Variants in RLBP1 observed in about 807,000 individuals in gnomAD.
RLBP1 encodes retinaldehyde-binding protein 1.
In RLBP1, 26 loss-of-function variants were observed where a neutral mutation model predicts 36.2. That is an observed-to-expected ratio of 0.72 (90% CI 0.53 to 1.00). The LOEUF (loss-of-function observed/expected upper bound fraction) is 1.00, where lower values mean the gene tolerates loss of function less well. Among genes scored for constraint, RLBP1 ranks in the 50% least tolerant of loss-of-function variants. The pLI is 0.00. For synonymous variants in RLBP1, 155 were observed against 156.2 expected, an observed-to-expected ratio of 0.99 and a Z score of 0.06; for missense variants, 410 against 402.4, an observed-to-expected ratio of 1.02 and a Z score of -0.16.
At chr15:89,217,662 T>G (rs546987677) in intron 4 of RLBP1, among the ~76,000 whole-genome samples, 120 of 152,372 alleles carry the variant, frequency 7.9e-4, no homozygotes, top group African/African-American at 2.8e-3. Flanking sequence ...TGGTAGGTGT[T>G]CTTATCCCCA....
chr15:89,213,827 A>G (rs2051557100), intron 6 of RLBP1, among the ~76,000 whole-genome samples: 1 of 152,186 alleles, frequency 6.6e-6, no homozygotes, highest in African/African-American at 2.4e-5. Context: ...ATTATCCCCA[A>G]AACATACTCC....
rs146462570 is a variant in RLBP1, at chr15:89,210,795, G to T, written c.699C>A (p.Ala233=). Residue 233 remains alanine (A), a synonymous_variant, in exon 8 of 9, where the codon GCC becomes GCA. Transcript: ENST00000268125. This position sits in a 1 kb window ranked among gnomAD's most constrained non-coding sequence, Gnocchi z 4.7. ...MVDMLQDSFP[A]RFKAIHFIHQ... Reference sequence around the variant, plus strand: ...GGATGAAGTGGATGGCTTTGAACCGGGCTGGGAAGGAATCCTGCGGTGACA... The same window carrying T: ...GGATGAAGTGGATGGCTTTGAACCGTGCTGGGAAGGAATCCTGCGGTGACA... 8 of 1,589,452 alleles carry T rather than the reference G, an allele frequency of 5.0e-6. No homozygotes were observed. The highest frequency in any genetic ancestry group is 1.1e-5 in the South Asian group (1 of 87,808).
chr15:89,219,909 T>C (rs541840444), intron 1 of RLBP1, 50 bp from the exon 2 acceptor site: 2 of 152,374 alleles, frequency 1.3e-5, no homozygotes, highest in Admixed American at 1.3e-4. Flanking sequence ...ACATAAGCAA[T>C]GCTTGGTTAC....
rs141855939 is a variant in RLBP1 at position 89,215,159 on chromosome 15, A to T, written c.426T>A (p.Ala142=). 1.1e-4 allele frequency: 178 copies of T among 1,614,068 alleles called. No homozygotes were observed. The highest frequency in any genetic ancestry group is 1.4e-4 in the Non-Finnish European group (169 of 1,180,004). The change falls in exon 6 of 9, where the codon GCT becomes GCA. Residue 142 remains alanine (A), a synonymous_variant. Transcript: ENST00000268125. The part of the protein sequence containing the change: ...SPEAVRCTIE[A]GYPGVLSSRD... ...GACTAGAGAGGACACCAGGGTAGCC[A>T]GCTTCAATGGTGCAGCGGACAGCCT... is the stretch of plus-strand genomic sequence containing the variant.
At position 89,210,875 on chromosome 15, in the gene RLBP1, C is replaced by T; in HGVS notation, c.685-66G>A. 9.5e-7 allele frequency: 1 copy of T among 1,056,588 alleles called. No individual in the cohort carries two copies. The highest frequency in any genetic ancestry group is 1.4e-6 in the Non-Finnish European group (1 of 702,172). The allele number at this position is 1,056,588 out of a possible 1,614,324, so 65.5% of individuals were successfully genotyped here. On this transcript the variant is annotated intron_variant, in intron 7 of 8. Coordinates refer to ENST00000268125, the MANE Select transcript of RLBP1 (RefSeq NM_000326.5). The surrounding 1 kb of genome is among the most constrained non-coding windows in gnomAD (Gnocchi z 4.7). The stretch of plus-strand genomic sequence containing the variant: ...TGACCTCAGAGGCTCCCACTCATTC[C>T]CTGCTGCCTCTCCTCATGGCATAGA...
chr15:89,218,284 T>C lies in RLBP1; in HGVS notation c.141+281A>G, dbSNP rs990542300. 5.3e-5 allele frequency among the ~76,000 whole-genome samples: 8 copies of C among 152,318 alleles called. No individual in the cohort carries two copies. Among genetic ancestry groups the C allele is most frequent in the Middle Eastern group, 3.4e-3 (1 of 294 alleles). On this transcript the variant is annotated intron_variant, in intron 4 of 8. Transcript: ENST00000268125. The surrounding 1 kb of genome is among the most constrained non-coding windows in gnomAD (Gnocchi z 4.6). The stretch of plus-strand genomic sequence containing the variant: ...TGGATCCTTGTTCCCCGGGGCCATT[T>C]CCAAACCAATGCTTCTCATATTGAG...
intron 2 of RLBP1, 93 bp from the exon 3 acceptor site, chr15:89,219,168 A>C: frequency 1.5e-6 from 1 of 684,880 alleles, no homozygotes; most frequent in Non-Finnish European, 2.6e-6. Context: ...CATTTGTTAG[A>C]AACGCAGGTG....
chr15:89,217,016 G>T, intron 5 of RLBP1, 104 bp downstream of exon 5: 3 of 1,228,078 alleles, frequency 2.4e-6, no homozygotes, highest in Non-Finnish European at 3.5e-6. Context: ...AAACTGACTT[G>T]CCCACAGTAT....
In RLBP1 at chr15:89,211,718, C is replaced by T. The variant is rs376622736; in HGVS notation, c.684+25G>A. ...AGCCTCCCCAGCTGTGGGAGGCTGC[C>T]GTGCGACAGAACTCTAAGCCTCACC... On this transcript the variant is annotated intron_variant, in intron 7 of 8. Transcript: ENST00000268125. The surrounding 1 kb of genome is among the most constrained non-coding windows in gnomAD (Gnocchi z 5.8). 21 of 1,611,916 alleles carry T rather than the reference C, an allele frequency of 1.3e-5. No individual in the cohort carries two copies. The highest frequency in any genetic ancestry group is 1.1e-4 in the African/African-American group (8 of 74,872).
At chr15:89,216,107 T>G (rs1410797028) in intron 5 of RLBP1, among the ~76,000 whole-genome samples, 2 of 152,226 alleles carry the variant, frequency 1.3e-5, no homozygotes, top group Non-Finnish European at 2.9e-5. Flanking sequence ...CATTAGAATA[T>G]GAGTTCCACC....
At position 89,210,801 on chromosome 15, in the gene RLBP1, G is replaced by A. The variant is rs1311372213; in HGVS notation, c.693C>T (p.Phe231=). 1.9e-6 allele frequency: 3 copies of A among 1,586,160 alleles called. No homozygotes were observed. In the South Asian group the frequency reaches 3.4e-5, roughly 18 times the overall value. ...RKMVDMLQDS[F]PARFKAIHFI... The stretch of plus-strand genomic sequence containing the variant: ...AGTGGATGGCTTTGAACCGGGCTGG[G>A]AAGGAATCCTGCGGTGACAGAGAGA... Residue 231 remains phenylalanine, a synonymous_variant, in exon 8 of 9, where the codon TTC becomes TTT. Coordinates refer to ENST00000268125, the MANE Select transcript of RLBP1 (RefSeq NM_000326.5). This position sits in a 1 kb window ranked among gnomAD's most constrained non-coding sequence, Gnocchi z 4.7.
chr15:89,220,216 G>A (rs1487440091), intron 1 of RLBP1, among the ~76,000 whole-genome samples: 19 of 152,144 alleles, frequency 1.2e-4, no homozygotes, highest in Admixed American at 1.1e-3. Context: ...GAGAGCTGGC[G>A]TCATAGAAAC....
rs777836207 is a variant in RLBP1, at chr15:89,218,937, G to A, written c.12+27C>T. On this transcript the variant is annotated intron_variant, in intron 3 of 8. Transcript: ENST00000268125. The surrounding 1 kb of genome is among the most constrained non-coding windows in gnomAD (Gnocchi z 4.6). The stretch of plus-strand genomic sequence containing the variant: ...GAGAAGAGAGGGAAGGTGGGTGGAG[G>A]AGAGCCCTGGAGGACAGGGTACTTA... 1 of 1,612,600 alleles carries A rather than the reference G, an allele frequency of 6.2e-7. No individual in the cohort carries two copies. The highest frequency in any genetic ancestry group is 2.2e-5 in the East Asian group (1 of 44,876).
At position 89,218,814 on chromosome 15, in the gene RLBP1, G is replaced by A; in HGVS notation, c.13-121C>T. 1.3e-6 allele frequency: 2 copies of A among 1,546,838 alleles called. No homozygotes were observed. The highest frequency in any genetic ancestry group is 1.1e-5 in the South Asian group (1 of 88,340). On this transcript the variant is annotated intron_variant, in intron 3 of 8. Transcript: ENST00000268125. The surrounding 1 kb of genome is among the most constrained non-coding windows in gnomAD (Gnocchi z 4.6). ...GGTCATTGTTAAGCCTCCTCCTTTT[G>A]TGGGGTCAGGACCCACACAGGGGTT...
At position 89,218,801 on chromosome 15, in the gene RLBP1, G is replaced by T; in HGVS notation, c.13-108C>A. On this transcript the variant is annotated intron_variant, in intron 3 of 8. Transcript: ENST00000268125. This position sits in a 1 kb window ranked among gnomAD's most constrained non-coding sequence, Gnocchi z 4.6. ...TTCTTTTGCCCAAGGTCATTGTTAA[G>T]CCTCCTCCTTTTGTGGGGTCAGGAC... 1.9e-6 allele frequency: 3 copies of T among 1,573,750 alleles called. No homozygotes were observed. In the East Asian group the frequency reaches 6.8e-5, roughly 36 times the overall value.
rs2051534392 is a variant in RLBP1 at position 89,211,096 on chromosome 15, T to A, written c.685-287A>T. 6.6e-6 allele frequency among the ~76,000 whole-genome samples: 1 copy of A among 152,224 alleles called. No individual in the cohort carries two copies. The highest frequency in any genetic ancestry group is 2.4e-5 in the African/African-American group (1 of 41,474). The stretch of plus-strand genomic sequence containing the variant: ...TTAGGAAAAGAAATGAAAGTAGCCT[T>A]GCTTGACCTTTTGGTGAGTTTTTTC... On this transcript the variant is annotated intron_variant, in intron 7 of 8. Coordinates refer to ENST00000268125, the MANE Select transcript of RLBP1 (RefSeq NM_000326.5). This position sits in a 1 kb window ranked among gnomAD's most constrained non-coding sequence, Gnocchi z 5.8.
At position 89,210,856 on chromosome 15, in the gene RLBP1, C is replaced by T; in HGVS notation, c.685-47G>A. On this transcript the variant is annotated intron_variant, in intron 7 of 8. Coordinates refer to ENST00000268125, the MANE Select transcript of RLBP1 (RefSeq NM_000326.5). This position sits in a 1 kb window ranked among gnomAD's most constrained non-coding sequence, Gnocchi z 4.7. ...CCGTTCCCCATGGCCCCAGTGACCTCAGAGGCTCCCACTCATTCCCTGCTG... is the reference window on the plus strand; with the variant it reads ...CCGTTCCCCATGGCCCCAGTGACCTTAGAGGCTCCCACTCATTCCCTGCTG... 2 of 1,289,368 alleles carry T rather than the reference C, an allele frequency of 1.6e-6. No individual in the cohort carries two copies. The highest frequency in any genetic ancestry group is 2.2e-6 in the Non-Finnish European group (2 of 910,858). 79.9% of individuals were successfully genotyped at this position (1,289,368 alleles called of 1,614,324 possible).
rs201254740 is a variant in RLBP1, at chr15:89,219,025, C to A, written c.-50G>T. ...CTTGGAAAAAGAAGGGATCTGCTTTCTCTGTCCTGGCCTCTCCAGCCGGCC... is the reference window on the plus strand; with the variant it reads ...CTTGGAAAAAGAAGGGATCTGCTTTATCTGTCCTGGCCTCTCCAGCCGGCC... On this transcript the variant is annotated 5_prime_UTR_variant, in exon 3 of 9. Coordinates refer to ENST00000268125, the MANE Select transcript of RLBP1 (RefSeq NM_000326.5). 6 of 1,613,474 alleles carry A rather than the reference C, an allele frequency of 3.7e-6. No individual in the cohort carries two copies. The East Asian group carries it at 1.1e-4, about 30-fold the overall frequency.
intron 1 of RLBP1, 62 bp from the exon 2 acceptor site, chr15:89,219,921 A>G (rs1453205784): frequency 6.6e-6 from 1 of 152,260 alleles, no homozygotes; most frequent in East Asian, 1.9e-4. Context: ...CTTGGTTACC[A>G]GAACAGGTCC....
Sources: gnomAD v4.1 joint callset for allele counts (sites outside exome capture counted in the v4.1 genomes callset) on GRCh38, gnomAD v4.1.1 for gene constraint, Gnocchi (gnomAD v3.1) non-coding constraint, MANE v1.5 for transcripts, NCBI Gene and HGNC (gene_info 2026-07-23, HGNC 2026-07-21) for gene names.